The following GALNT13 variants were observed in gnomAD, a reference collection of about 807,000 sequenced individuals.
GALNT13 encodes UDP-GalNAc:polypeptide N-acetylgalactosaminyltransferase 13.
A neutral mutation model predicts 64.2 loss-of-function variants in GALNT13; 28 were observed. The ratio of observed to expected loss-of-function variants is 0.44; its 90% CI spans 0.32 to 0.60. The LOEUF is 0.60. Ranked by LOEUF, GALNT13 falls within the 20% of genes least tolerant of loss-of-function variation. GALNT13 has a pLI of 0.05. For synonymous variants in GALNT13, 214 were observed against 224.6 expected, an observed-to-expected ratio of 0.95 and a Z score of 0.42; for missense variants, 577 against 669.8, an observed-to-expected ratio of 0.86 and a Z score of 1.53.
the GALNT13 span, among the ~76,000 whole-genome samples, chr2:153,402,300 G>T: frequency 6.6e-6 from 1 of 151,992 alleles, no homozygotes; most frequent in African/African-American, 2.4e-5. Context: ...GAGATCTGCT[G>T]TTAGTCTGAT....
chr2:153,749,104 G>A, the GALNT13 span, among the ~76,000 whole-genome samples: 2 of 151,932 alleles, frequency 1.3e-5, no homozygotes, highest in Non-Finnish European at 1.5e-5. Context: ...CCTAGTTTAT[G>A]TTCTTGACAC....
chr2:153,239,913 G>A, the GALNT13 span, among the ~76,000 whole-genome samples: 1 of 152,050 alleles, frequency 6.6e-6, no homozygotes, highest in African/African-American at 2.4e-5. Context: ...TCTTTTAAAT[G>A]TTCAGTAAAT....
the GALNT13 span, among the ~76,000 whole-genome samples, chr2:153,116,481 A>G: frequency 6.6e-6 from 1 of 151,490 alleles, no homozygotes; most frequent in Non-Finnish European, 1.5e-5. Context: ...TAGAAATAGG[A>G]AAATAGAAGA....
At chr2:154,168,665 T>C (rs1685171588) in intron 4 of GALNT13, among the ~76,000 whole-genome samples, 1 of 103,848 alleles carries the variant, frequency 9.6e-6, no homozygotes, top group Non-Finnish European at 2.0e-5. Context: ...AAACCTCATC[T>C]CTACTATTAA....
the GALNT13 span, among the ~76,000 whole-genome samples, chr2:153,198,580 T>G: frequency 1.3e-5 from 2 of 152,242 alleles, no homozygotes; most frequent in African/African-American, 4.8e-5. Context: ...TTGAGTGTCC[T>G]GTGCCTCTAG....
the GALNT13 span, among the ~76,000 whole-genome samples, chr2:153,589,995 G>A: frequency 6.6e-6 from 1 of 151,990 alleles, no homozygotes; most frequent in African/African-American, 2.4e-5. Context: ...AAAATTAGTA[G>A]AAGAAAATAA....
chr2:153,261,161 A>T, the GALNT13 span, among the ~76,000 whole-genome samples: 1 of 152,140 alleles, frequency 6.6e-6, no homozygotes, highest in Non-Finnish European at 1.5e-5. Flanking sequence ...TGAATTCTTT[A>T]TCTGAAAGGT....
intron 3 of GALNT13, among the ~76,000 whole-genome samples, chr2:154,051,276 CTTCT>C (rs1346114827): frequency 7.7e-6 from 1 of 129,056 alleles, no homozygotes; most frequent in African/African-American, 2.9e-5. Context: ...TATCTTACTC[CTTCT>C]TTTTTTTTTT....
At chr2:153,722,548 G>A in the GALNT13 span, among the ~76,000 whole-genome samples, 3 of 149,762 alleles carry the variant, frequency 2.0e-5, no homozygotes, top group East Asian at 5.9e-4. Context: ...CAACAAAATT[G>A]ATAGACCGCT....
chr2:153,337,607 A>T, the GALNT13 span: 5 of 152,252 alleles, frequency 3.3e-5, no homozygotes, highest in Non-Finnish European at 5.9e-5. Context: ...CTATAAAAGT[A>T]TTTATTTGAC....
intron 3 of GALNT13, among the ~76,000 whole-genome samples, chr2:154,094,115 A>G (rs1250057155): frequency 1.3e-5 from 2 of 151,862 alleles, no homozygotes; most frequent in East Asian, 3.9e-4. Context: ...ATAAGTTGTT[A>G]TTACTGTTTT....
chr2:153,806,652 A>G, the GALNT13 span, among the ~76,000 whole-genome samples: 2 of 150,580 alleles, frequency 1.3e-5, no homozygotes, highest in African/African-American at 4.9e-5. Context: ...TGAGTCTGAT[A>G]AAGAGCCTGG....
At chr2:154,285,353 C>A (rs949836813) in intron 8 of GALNT13, among the ~76,000 whole-genome samples, 1 of 151,958 alleles carries the variant, frequency 6.6e-6, no homozygotes, top group African/African-American at 2.4e-5. Context: ...AGTTTCAAGT[C>A]TTATATTTAA....
the GALNT13 span, chr2:153,478,649 G>A: frequency 1.8e-6 from 2 of 1,133,338 alleles, no homozygotes; most frequent in Non-Finnish European, 2.5e-6. Flanking sequence ...GCCGGGCTGA[G>A]CGCTCACTCG....
chr2:153,646,033 C>A, the GALNT13 span, among the ~76,000 whole-genome samples: 2 of 152,004 alleles, frequency 1.3e-5, no homozygotes, highest in Non-Finnish European at 2.9e-5. Flanking sequence ...GAAAAACTAT[C>A]ATTATTTCTA....
chr2:154,373,346 T>C (rs1559120179), intron 9 of GALNT13, among the ~76,000 whole-genome samples: 2 of 152,150 alleles, frequency 1.3e-5, no homozygotes, highest in Non-Finnish European at 2.9e-5. Context: ...TCATTTAAAT[T>C]GAGGCTTGAA....
At chr2:153,191,296 T>A in the GALNT13 span, among the ~76,000 whole-genome samples, 1 of 152,164 alleles carries the variant, frequency 6.6e-6, no homozygotes, top group South Asian at 2.1e-4. Context: ...ATGTTGAATT[T>A]TATCAGATGC....
the GALNT13 span, among the ~76,000 whole-genome samples, chr2:153,258,681 A>T: frequency 5.3e-5 from 8 of 152,216 alleles, no homozygotes; most frequent in Non-Finnish European, 8.8e-5. Context: ...ATTTCAAGAC[A>T]TTTTAAACAT....
the GALNT13 span, among the ~76,000 whole-genome samples, chr2:153,098,397 C>T: frequency 6.6e-6 from 1 of 152,148 alleles, no homozygotes; most frequent in Non-Finnish European, 1.5e-5. Context: ...GCTATCACAA[C>T]CTCTCTTTTC....
Sources: gnomAD v4.1 joint callset for allele counts (sites outside exome capture counted in the v4.1 genomes callset) on GRCh38, gnomAD v4.1.1 for gene constraint, MANE v1.5 for transcripts, NCBI Gene and HGNC (gene_info 2026-07-23, HGNC 2026-07-21) for gene names.